Variants in SIAH1 observed in about 807,000 individuals in gnomAD.
SIAH1 encodes siah E3 ubiquitin protein ligase 1, also known as E3 ubiquitin-protein ligase SIAH1.
SIAH1 carries 2 observed loss-of-function variants against 20.0 expected under a neutral mutation model. The ratio of observed to expected loss-of-function variants is 0.10; its 90% CI spans 0.04 to 0.31. SIAH1 has a LOEUF of 0.31. SIAH1 is among the 10% of genes least tolerant of loss of function. The probability of loss-of-function intolerance (pLI) is 1.00; values close to 1 mark genes in which losing one functional copy is unlikely to be tolerated. For synonymous variants in SIAH1, 118 were observed against 125.3 expected, an observed-to-expected ratio of 0.94 and a Z score of 0.39; for missense variants, 119 against 355.3, an observed-to-expected ratio of 0.33 and a Z score of 5.35.
chr16:48,370,199 T>C (rs973516804), intron 1 of SIAH1, among the ~76,000 whole-genome samples: 1 of 152,216 alleles, frequency 6.6e-6, no homozygotes. Flanking sequence ...ATGGCAAGAA[T>C]GGCCACTCCC....
intron 1 of SIAH1, among the ~76,000 whole-genome samples, chr16:48,375,918 G>C (rs192446502): frequency 2.6e-5 from 4 of 152,304 alleles, no homozygotes; most frequent in African/African-American, 9.6e-5. Context: ...AGAGAGATGG[G>C]ACCACTGAAC....
chr16:48,385,479 C>G (rs1227716643), upstream of SIAH1: 1 of 150,490 alleles, frequency 6.6e-6, no homozygotes, highest in Non-Finnish European at 1.5e-5. Flanking sequence ...GGCGCGGCCC[C>G]GCGCGCTGGG....
intron 1 of SIAH1, among the ~76,000 whole-genome samples, chr16:48,369,781 A>G (rs1960936519): frequency 6.6e-6 from 1 of 152,198 alleles, no homozygotes; most frequent in Non-Finnish European, 1.5e-5. Context: ...CAACATGCCA[A>G]TAGTAAAACT....
chr16:48,371,550 T>A (rs73562063), intron 1 of SIAH1, among the ~76,000 whole-genome samples: 31,239 of 152,172 alleles, frequency 0.21, 3,948 homozygotes, highest in African/African-American at 0.35. Context: ...AAGCAAAGTA[T>A]GTATCATGGA....
At chr16:48,382,580 T>A (rs1312122925) in intron 1 of SIAH1, among the ~76,000 whole-genome samples, 1 of 152,158 alleles carries the variant, frequency 6.6e-6, no homozygotes, top group Non-Finnish European at 1.5e-5. Context: ...CATCCTGCTA[T>A]TTTGAAGAAT....
chr16:48,378,248 G>C (rs559497720), intron 1 of SIAH1, among the ~76,000 whole-genome samples: 5 of 152,314 alleles, frequency 3.3e-5, no homozygotes, highest in African/African-American at 1.2e-4. Context: ...AGCTACTCGA[G>C]AGGCTGAGGC....
intron 1 of SIAH1, among the ~76,000 whole-genome samples, chr16:48,370,917 C>G (rs1373909375): frequency 2.0e-5 from 3 of 151,844 alleles, no homozygotes; most frequent in African/African-American, 7.3e-5. Flanking sequence ...AGTTTGAGAT[C>G]AGCCTGGCCA....
At chr16:48,384,554 A>C (rs893030873) in intron 1 of SIAH1, among the ~76,000 whole-genome samples, 13 of 152,150 alleles carry the variant, frequency 8.5e-5, no homozygotes, top group Non-Finnish European at 1.8e-4. Flanking sequence ...CTAACGACAT[A>C]AACAAGGGAG....
intron 1 of SIAH1, chr16:48,365,794 G>T (rs1481787420): frequency 1.5e-6 from 2 of 1,298,176 alleles, no homozygotes; most frequent in Admixed American, 3.5e-5. Context: ...ACTGGGTAGG[G>T]TCCTGCCCAG....
intron 1 of SIAH1, among the ~76,000 whole-genome samples, chr16:48,379,338 T>G (rs960516745): frequency 6.6e-6 from 1 of 152,152 alleles, no homozygotes; most frequent in Non-Finnish European, 1.5e-5. Context: ...CTACCCAAAG[T>G]AGCACAAATA....
intron 1 of SIAH1, among the ~76,000 whole-genome samples, chr16:48,377,059 TAATA>T (rs1567375294): frequency 6.6e-6 from 1 of 152,194 alleles, no homozygotes; most frequent in Non-Finnish European, 1.5e-5. Context: ...GATGTGACAC[TAATA>T]AATAACTATA....
At chr16:48,386,134 C>A (rs1004587533), upstream of SIAH1, among the ~76,000 whole-genome samples, 13 of 152,216 alleles carry the variant, frequency 8.5e-5, no homozygotes, top group African/African-American at 2.7e-4. Flanking sequence ...ACTTGCAATT[C>A]TTTGATGGGT....
upstream of SIAH1, among the ~76,000 whole-genome samples, chr16:48,386,113 A>G (rs1451855355): frequency 6.6e-6 from 1 of 152,236 alleles, no homozygotes; most frequent in African/African-American, 2.4e-5. Flanking sequence ...AAATAATAAA[A>G]GGAAAACATC....
intron 1 of SIAH1, among the ~76,000 whole-genome samples, chr16:48,369,007 G>A (rs1455002663): frequency 2.6e-5 from 4 of 152,066 alleles, no homozygotes; most frequent in African/African-American, 4.8e-5. Flanking sequence ...AATGTTTTAC[G>A]TTAAAATGTT....
chr16:48,385,302 G>A lies in SIAH1; in HGVS notation c.-101C>T, dbSNP rs1961424494. On this transcript the variant is annotated 5_prime_UTR_variant, in exon 1 of 2. Coordinates refer to ENST00000394725, the MANE Select transcript of SIAH1 (RefSeq NM_003031.4). ...GGCAGCGCCACCGCCTCTTCCCGGC[G>A]CCGAGACCGACGGGACACCCTGGGC... 6 of 268,212 alleles carry A rather than the reference G, an allele frequency of 2.2e-5. No individual in the cohort carries two copies. The highest frequency in any genetic ancestry group is 2.4e-5 in the Non-Finnish European group (3 of 123,910). The allele number at this position is 268,212 out of a possible 1,614,324, so 16.6% of individuals were successfully genotyped here. A position where few individuals can be genotyped will look rare whatever the true frequency, so the allele number is the denominator to read the frequency against.
chr16:48,365,711 G>A, intron 1 of SIAH1: 1 of 1,423,774 alleles, frequency 7.0e-7, no homozygotes, highest in Non-Finnish European at 9.1e-7. Flanking sequence ...CCAAAAATGG[G>A]AGCCACAGCT....
At chr16:48,370,395 A>G (rs573464688) in intron 1 of SIAH1, among the ~76,000 whole-genome samples, 2 of 148,520 alleles carry the variant, frequency 1.3e-5, no homozygotes, top group South Asian at 4.1e-4. Context: ...ACAGTTCTTC[A>G]TTAATGAAGA....
At chr16:48,369,210 G>T (rs897880877) in intron 1 of SIAH1, among the ~76,000 whole-genome samples, 2 of 150,418 alleles carry the variant, frequency 1.3e-5, no homozygotes, top group Non-Finnish European at 2.9e-5. Flanking sequence ...CTTAAAAATT[G>T]TATGTTTTTC....
At chr16:48,384,943 CCCCCGCCGCCA>C (rs1257450570) in intron 1 of SIAH1, among the ~76,000 whole-genome samples, 22 of 145,766 alleles carry the variant, frequency 1.5e-4, no homozygotes, top group Non-Finnish European at 4.6e-5. Flanking sequence ...GCGGGGCCGA[CCCCCGCCGCCA>C]CCCCGCCGGG....
Sources: gnomAD v4.1 joint callset for allele counts (sites outside exome capture counted in the v4.1 genomes callset) on GRCh38, gnomAD v4.1.1 for gene constraint, MANE v1.5 for transcripts, NCBI Gene and HGNC (gene_info 2026-07-23, HGNC 2026-07-21) for gene names.